SHANK1: variants seen among roughly 807,000 people sequenced by gnomAD.
The protein encoded by SHANK1 is SH3 and multiple ankyrin repeat domains 1, also known as SH3 and multiple ankyrin repeat domains protein 1.
A neutral mutation model predicts 165.6 loss-of-function variants in SHANK1; 35 were observed. The observed-to-expected ratio is 0.21, with a 90% CI of 0.16 to 0.28. The LOEUF (loss-of-function observed/expected upper bound fraction) is 0.28. SHANK1 is among the 10% of genes least tolerant of loss of function. The pLI is 1.00. For synonymous variants in SHANK1, 1,428 were observed against 1,384.8 expected, an observed-to-expected ratio of 1.03 and a Z score of -0.69; for missense variants, 2,681 against 3,036.4, an observed-to-expected ratio of 0.88 and a Z score of 2.75.
chr19:50,694,563 G>A (rs1468408393), intron 15 of SHANK1, among the ~76,000 whole-genome samples: 1 of 120,830 alleles, frequency 8.3e-6, no homozygotes, highest in African/African-American at 3.2e-5. Context: ...GGTTTAGGGG[G>A]CCTGCTGGGA....
rs1338882275 is a variant in SHANK1, at chr19:50,712,075, G to A, written c.832C>T (p.Arg278Cys). Residue 278 changes from arginine to cysteine, a missense_variant, in exon 7 of 24, where the codon CGT (arginine) becomes TGT (cysteine). By Grantham distance (180) the Arg-to-Cys change is radical (BLOSUM62 -3). Transcript: ENST00000293441. ...TGGAACAGAGGGGTCAGCCCCCGAC[G>A]GTCCTTGTAGTTGGGGGAACCCCCA... ...DLGGSPNYKD[R>C]RGLTPLFHTA... is the part of the protein sequence containing the mutation. 13 of 1,608,222 alleles carry A rather than the reference G, an allele frequency of 8.1e-6. No homozygotes were observed. The highest frequency in any genetic ancestry group is 1.3e-5 in the African/African-American group (1 of 74,790).
intron 21 of SHANK1, among the ~76,000 whole-genome samples, chr19:50,683,381 A>G (rs73932559): frequency 2.4e-3 from 366 of 152,236 alleles, no homozygotes; most frequent in African/African-American, 8.6e-3. Context: ...CCCTCAACCA[A>G]TCAATACATA....
rs1986393680 is a variant in SHANK1 at position 50,687,565 on chromosome 19, C to T, written c.2389+17G>A. ...TCTCCCCCCGGCCCCCTGGCCTCAG[C>T]AGCCCCGCAGGCTCACCCATCTCCT... On this transcript the variant is annotated intron_variant, in intron 19 of 23. Transcript: ENST00000293441. 2 of 1,544,200 alleles carry T rather than the reference C, an allele frequency of 1.3e-6. No homozygotes were observed. The highest frequency in any genetic ancestry group is 1.7e-6 in the Non-Finnish European group (2 of 1,143,510).
rs1985330706 is a variant in SHANK1, at chr19:50,662,969, C to T, written c.5769-287G>A. ...GTGATAATAATAATAATCGTCACCG[C>T]TTACTGATGCTCACGTGTGCCAGGC... On this transcript the variant is annotated intron_variant, in intron 23 of 23. Transcript: ENST00000293441. The surrounding 1 kb of genome is among the most constrained non-coding windows in gnomAD (Gnocchi z 7.7). 1 of 466,896 alleles carries T rather than the reference C, an allele frequency of 2.1e-6. No homozygotes were observed. Among genetic ancestry groups the T allele is most frequent in the Non-Finnish European group, 3.9e-6 (1 of 258,080 alleles). The allele number at this position is 466,896 out of a possible 1,614,324, so 28.9% of individuals were successfully genotyped here. A position where few individuals can be genotyped will look rare whatever the true frequency, so the allele number is the denominator to read the frequency against.
At chr19:50,695,529 C>T (rs957871417) in intron 15 of SHANK1, among the ~76,000 whole-genome samples, 13 of 151,598 alleles carry the variant, frequency 8.6e-5, no homozygotes, top group Non-Finnish European at 1.0e-4. Context: ...CCCTTAATCC[C>T]CCTCCCCCCT....
Position 50,660,089 on chromosome 19 carries a change from G to A in SHANK1, c.*1876C>T, listed in dbSNP as rs576607776. Among the ~76,000 whole-genome samples, 200 of 148,528 alleles carry A rather than the reference G, an allele frequency of 1.3e-3. No homozygotes were observed. The highest frequency in any genetic ancestry group is 4.9e-3 in the African/African-American group (194 of 39,270). The stretch of plus-strand genomic sequence containing the variant: ...AGGGGGAATGGGCTTGGGGAAGGAG[G>A]GGGAGCTCCCTTCTTTGGCAGCTGA... On this transcript the variant is annotated 3_prime_UTR_variant, in exon 24 of 24. Transcript: ENST00000293441.
chr19:50,706,192 A>T (rs2088937307), intron 8 of SHANK1, among the ~76,000 whole-genome samples: 1 of 152,050 alleles, frequency 6.6e-6, no homozygotes, highest in Non-Finnish European at 1.5e-5. Context: ...GCTCAAGGTC[A>T]CACAGCTGGT....
chr19:50,688,901 C>A lies in SHANK1; in HGVS notation c.2115G>T (p.Val705=). 1 of 1,584,282 alleles carries A rather than the reference C, an allele frequency of 6.3e-7. No individual in the cohort carries two copies. The highest frequency in any genetic ancestry group is 1.8e-5 in the Admixed American group (1 of 56,018). The change falls in exon 17 of 24, where the codon GTG becomes GTT. Residue 705 remains valine (V), a synonymous_variant. Transcript: ENST00000293441. This position sits in a 1 kb window ranked among gnomAD's most constrained non-coding sequence, Gnocchi z 6.7. The part of the protein sequence containing the change: ...AFPALQYLES[V]DEGGVAWRAG... ...CTCGCCATGCCACGCCACCCTCGTC[C>A]ACCGACTCCAGGTACTGCAGCGCCG...
Position 50,702,387 on chromosome 19 carries a change from T to A in SHANK1, c.1747+80A>T. The A allele has an allele frequency of 7.7e-7, 1 of 1,291,914 alleles. No homozygotes were observed. Among genetic ancestry groups the A allele is most frequent in the South Asian group, 1.5e-5 (1 of 68,676 alleles). The allele number at this position is 1,291,914 out of a possible 1,614,324, so 80.0% of individuals were successfully genotyped here. A position where few individuals can be genotyped will look rare whatever the true frequency, so the allele number is the denominator to read the frequency against. On this transcript the variant is annotated intron_variant, in intron 12 of 23. Coordinates refer to ENST00000293441, the MANE Select transcript of SHANK1 (RefSeq NM_016148.5). This position sits in a 1 kb window ranked among gnomAD's most constrained non-coding sequence, Gnocchi z 5.3. ...ATGAGATACTCCAGGTGCCCGAGAATGGTCTGCTCTCTGCTCCACATTTTC... is the reference window on the plus strand; with the variant it reads ...ATGAGATACTCCAGGTGCCCGAGAAAGGTCTGCTCTCTGCTCCACATTTTC...
intron 21 of SHANK1, among the ~76,000 whole-genome samples, chr19:50,672,555 CA>C (rs3987747): frequency 0.018 from 634 of 35,460 alleles, 3 homozygotes; most frequent in African/African-American, 0.059. Context: ...GACTCTGTCT[CA>C]AAAAAAAAAA....
rs189644212 is a variant in SHANK1 at position 50,706,706 on chromosome 19, G to C, written c.1078-2192C>G. ...GCACAAATGCCGCCTCTTCAGAGAG[G>C]TCTTCTCTGGCCATCCTGTCTAAAA... On this transcript the variant is annotated intron_variant, in intron 8 of 23. Transcript: ENST00000293441. Among the ~76,000 whole-genome samples, 75 of 151,586 alleles carry C rather than the reference G, an allele frequency of 4.9e-4. No homozygotes were observed. The East Asian group carries it at 0.013, about 26-fold the overall frequency.
chr19:50,697,550 G>A lies in SHANK1; in HGVS notation c.1937+39C>T, dbSNP rs375646039. 1 of 1,455,938 alleles carries A rather than the reference G, an allele frequency of 6.9e-7. No individual in the cohort carries two copies. The highest frequency in any genetic ancestry group is 9.7e-7 in the Non-Finnish European group (1 of 1,036,074). The allele number at this position is 1,455,938 out of a possible 1,614,324, so 90.2% of individuals were successfully genotyped here. The stretch of plus-strand genomic sequence containing the variant: ...AAGGTGTACATTGTGAAGGGAACTT[G>A]GGGTGAGGGGGGTTGCCCGAGGGTG... On this transcript the variant is annotated intron_variant, in intron 14 of 23. Coordinates refer to ENST00000293441, the MANE Select transcript of SHANK1 (RefSeq NM_016148.5). This position sits in a 1 kb window ranked among gnomAD's most constrained non-coding sequence, Gnocchi z 4.7.
rs753641709 is a variant in SHANK1, at chr19:50,686,332, C to A, written c.2482G>T (p.Ala828Ser). 1.9e-6 allele frequency: 3 copies of A among 1,600,508 alleles called. No individual in the cohort carries two copies. Among genetic ancestry groups the A allele is most frequent in the Non-Finnish European group, 2.6e-6 (3 of 1,173,176 alleles). Reference protein sequence around the residue: ...ALNKLDEILAAAQQTISASES... With the variant: ...ALNKLDEILASAQQTISASES... ...CTTGCACTGATGGTCTGTTGAGCTG[C>A]GGCCAGGATTTCGTCCAGTTTGTCT... The change falls in exon 21 of 24, where the codon GCA becomes TCA. Residue 828 changes from alanine (A) to serine (S), a missense_variant. By Grantham distance (99) the Ala-to-Ser change is moderately conservative (BLOSUM62 1). This residue lies in a region of SHANK1 where 206 missense variants were observed against 216.0 expected (regional missense o/e 0.95). Coordinates refer to ENST00000293441, the MANE Select transcript of SHANK1 (RefSeq NM_016148.5). This position sits in a 1 kb window ranked among gnomAD's most constrained non-coding sequence, Gnocchi z 5.7.
chr19:50,699,480 G>A (rs964585969), intron 12 of SHANK1, among the ~76,000 whole-genome samples: 1 of 152,194 alleles, frequency 6.6e-6, no homozygotes, highest in African/African-American at 2.4e-5. Context: ...GTCCAGGGAG[G>A]TGTCCCTGAG....
intron 12 of SHANK1, among the ~76,000 whole-genome samples, chr19:50,701,029 G>A (rs758201041): frequency 2.1e-4 from 32 of 152,038 alleles, no homozygotes; most frequent in South Asian, 4.2e-4. Context: ...GAGAGACTAG[G>A]AAACACATGC....
At position 50,662,341 on chromosome 19, in the gene SHANK1, C is replaced by A; in HGVS notation, c.6110G>T (p.Gly2037Val). The change falls in exon 24 of 24, where the codon GGC becomes GTC. Residue 2037 changes from glycine (G) to valine (V), a missense_variant. Physicochemically the swap from Gly to Val is moderately radical, Grantham distance 109. Transcript: ENST00000293441. The surrounding 1 kb of genome is among the most constrained non-coding windows in gnomAD (Gnocchi z 7.7). ...GCCTCCTGCCCCTCCAGTTGGGGAGCCACGGATGTCAAAGAGGCCTGGGTA... is the reference window on the plus strand; with the variant it reads ...GCCTCCTGCCCCTCCAGTTGGGGAGACACGGATGTCAAAGAGGCCTGGGTA... ...PLYPGLFDIRGSPTGGAGGSA... is the reference protein window; with the variant it reads ...PLYPGLFDIRVSPTGGAGGSA... The A allele has an allele frequency of 1.2e-6, 2 of 1,601,800 alleles. No individual in the cohort carries two copies. Among genetic ancestry groups the A allele is most frequent in the Non-Finnish European group, 1.7e-6 (2 of 1,172,700 alleles).
Position 50,670,031 on chromosome 19 carries a change from C to T in SHANK1, c.2675-746G>A, listed in dbSNP as rs1023303422. Reference sequence around the variant, plus strand: ...TCATTCACTGCCTTTCTGCTGTCGACGCCCACGTTTATGCCTGGGGCCCCA... The same window carrying T: ...TCATTCACTGCCTTTCTGCTGTCGATGCCCACGTTTATGCCTGGGGCCCCA... On this transcript the variant is annotated intron_variant, in intron 22 of 23. Transcript: ENST00000293441. This position sits in a 1 kb window ranked among gnomAD's most constrained non-coding sequence, Gnocchi z 4.1. Among the ~76,000 whole-genome samples the T allele has an allele frequency of 1.3e-5, 2 of 152,186 alleles. No individual in the cohort carries two copies.
chr19:50,687,698 G>T (rs759831244), intron 18 of SHANK1, 36 bp from the exon 19 acceptor site: 4 of 1,445,948 alleles, frequency 2.8e-6, no homozygotes, highest in Non-Finnish European at 2.8e-6. Context: ...CAGTATCATG[G>T]GGGAGATGCC....
intron 21 of SHANK1, among the ~76,000 whole-genome samples, chr19:50,682,916 C>T (rs890095479): frequency 6.6e-6 from 1 of 152,146 alleles, no homozygotes; most frequent in African/African-American, 2.4e-5. Flanking sequence ...GCCTCAACCT[C>T]GGAGGCTCAG....
Sources: allele counts gnomAD v4.1 joint callset (sites outside exome capture counted in the v4.1 genomes callset), GRCh38; gene constraint gnomAD v4.1.1; regional missense constraint gnomAD v4.1.1; non-coding constraint Gnocchi (gnomAD v3.1); transcripts MANE v1.5; gene names NCBI Gene and HGNC (gene_info 2026-07-23, HGNC 2026-07-21).